Variants in VAV3 observed in about 807,000 individuals in gnomAD.
VAV3 encodes guanine nucleotide exchange factor VAV3.
Under a neutral mutation model 131.2 loss-of-function variants are expected in VAV3, and 94 were observed. The ratio of observed to expected loss-of-function variants is 0.72; its 90% CI spans 0.61 to 0.85. The LOEUF (loss-of-function observed/expected upper bound fraction) is 0.85, where lower values mean the gene tolerates loss of function less well. Ranked by LOEUF, VAV3 falls within the 40% of genes least tolerant of loss-of-function variation. The probability of loss-of-function intolerance (pLI) is 0.00; values close to 1 mark genes in which losing one functional copy is unlikely to be tolerated. For synonymous variants in VAV3, 349 were observed against 342.0 expected (o/e 1.02, Z -0.22); for missense variants, 939 against 1,002.7 (o/e 0.94, Z 0.86).
chr1:107,582,641 C>A lies in VAV3; in HGVS notation c.2351-8443G>T, dbSNP rs547868018. On this transcript the variant is annotated intron_variant, in intron 25 of 26. Coordinates refer to ENST00000370056, the MANE Select transcript of VAV3 (RefSeq NM_006113.5). ...TGTGTTCTCATTGTTCGATTCCCACCTATGAGTGAGAATATGTGGTGTTTG... is the reference window on the plus strand; with the variant it reads ...TGTGTTCTCATTGTTCGATTCCCACATATGAGTGAGAATATGTGGTGTTTG... Among the ~76,000 whole-genome samples, 784 of 149,140 alleles carry A rather than the reference C, an allele frequency of 5.3e-3. 11 individuals carry two copies. The highest frequency in any genetic ancestry group is 7.1e-3 in the Middle Eastern group (2 of 282).
chr1:107,746,011 G>A (rs74111415), intron 15 of VAV3, among the ~76,000 whole-genome samples: 1,772 of 152,258 alleles, frequency 0.012, 36 homozygotes, highest in African/African-American at 0.04. Context: ...GATGCTGCAG[G>A]AGTTATTTTC....
rs554599493 is a variant in VAV3, at chr1:107,589,724, G to T, written c.2350+6488C>A. 1.8e-3 allele frequency among the ~76,000 whole-genome samples: 268 copies of T among 152,142 alleles called. 1 individual carries two copies. Among genetic ancestry groups the T allele is most frequent in the African/African-American group, 6.2e-3 (256 of 41,516 alleles). ...AGGAAAAGATGACAAAAAAACTGAGGATACAATAAAATCAGAAAATAAAGG... is the reference window on the plus strand; with the variant it reads ...AGGAAAAGATGACAAAAAAACTGAGTATACAATAAAATCAGAAAATAAAGG... On this transcript the variant is annotated intron_variant, in intron 25 of 26. Transcript: ENST00000370056.
At chr1:107,835,726 C>T (rs1022719828) in intron 2 of VAV3, among the ~76,000 whole-genome samples, 1 of 152,176 alleles carries the variant, frequency 6.6e-6, no homozygotes, top group Non-Finnish European at 1.5e-5. Flanking sequence ...CAAAAAACCC[C>T]GGCCCATAGG....
chr1:107,761,475 T>A (rs1240036183), intron 9 of VAV3, among the ~76,000 whole-genome samples: 1 of 152,080 alleles, frequency 6.6e-6, no homozygotes, highest in Non-Finnish European at 1.5e-5. Context: ...CTTCTTCAGT[T>A]TATCTTTATC....
intron 15 of VAV3, among the ~76,000 whole-genome samples, chr1:107,720,069 G>C (rs1661387149): frequency 6.6e-6 from 1 of 152,072 alleles, no homozygotes; most frequent in Non-Finnish European, 1.5e-5. Context: ...TGGGGTCGGG[G>C]GAATGGGGCA....
chr1:107,779,370 C>T (rs1665553594), intron 3 of VAV3, 64 bp downstream of exon 3: 1 of 1,419,426 alleles, frequency 7.0e-7, no homozygotes, highest in Non-Finnish European at 9.5e-7. Context: ...AAATAGTAAC[C>T]ATTTAATAAA....
chr1:107,757,415 A>G, intron 10 of VAV3, 86 bp from the exon 11 acceptor site: 1 of 1,140,378 alleles, frequency 8.8e-7, no homozygotes. Flanking sequence ...ATAAACCATT[A>G]TTATTGGTTT....
At chr1:107,815,042 G>GT (rs1667506534) in intron 2 of VAV3, among the ~76,000 whole-genome samples, 1 of 152,114 alleles carries the variant, frequency 6.6e-6, no homozygotes, top group South Asian at 2.1e-4. Flanking sequence ...TTCCATATCA[G>GT]TTTTCTTATT....
intron 15 of VAV3, among the ~76,000 whole-genome samples, chr1:107,707,771 T>C (rs775386881): frequency 1.2e-4 from 19 of 152,138 alleles, no homozygotes; most frequent in Non-Finnish European, 2.6e-4. Context: ...ACTGAGGAGA[T>C]CATACATGGT....
intron 1 of VAV3, among the ~76,000 whole-genome samples, chr1:107,881,365 C>T (rs867211396): frequency 2.2e-4 from 33 of 152,304 alleles, no homozygotes; most frequent in African/African-American, 7.7e-4. Flanking sequence ...AACTGTACCT[C>T]TCTCTGCCTT....
At chr1:107,664,276 G>A (rs1448375539) in intron 19 of VAV3, among the ~76,000 whole-genome samples, 3 of 151,950 alleles carry the variant, frequency 2.0e-5, no homozygotes, top group African/African-American at 7.3e-5. Context: ...GTGGTTTGCT[G>A]CACAGATCAA....
chr1:107,677,856 A>T (rs1326989975), intron 19 of VAV3: 1 of 152,206 alleles, frequency 6.6e-6, no homozygotes, highest in African/African-American at 2.4e-5. Context: ...CCAGTATAAA[A>T]GACAGGCTTG....
chr1:107,960,945 G>A (rs1251162946), intron 1 of VAV3, among the ~76,000 whole-genome samples: 5 of 151,074 alleles, frequency 3.3e-5, no homozygotes, highest in African/African-American at 1.2e-4. Context: ...TAAATTGTAT[G>A]TAAAAATATA....
chr1:107,646,935 C>G (rs1655781382), intron 19 of VAV3, among the ~76,000 whole-genome samples: 1 of 151,760 alleles, frequency 6.6e-6, no homozygotes, highest in Non-Finnish European at 1.5e-5. Flanking sequence ...TTTAGTACCG[C>G]TAAGAGTGAC....
chr1:107,639,495 C>T (rs1333550452), intron 20 of VAV3, among the ~76,000 whole-genome samples: 1 of 152,020 alleles, frequency 6.6e-6, no homozygotes, highest in Non-Finnish European at 1.5e-5. Flanking sequence ...ATGCATGGCT[C>T]ATTAAAAAGC....
chr1:107,848,695 T>C (rs147088644), intron 2 of VAV3, among the ~76,000 whole-genome samples: 247 of 152,228 alleles, frequency 1.6e-3, no homozygotes, highest in African/African-American at 5.6e-3. Context: ...ACCACTCCTA[T>C]TCAAAGCAAT....
chr1:107,702,013 C>A (rs1230672222), intron 17 of VAV3, among the ~76,000 whole-genome samples: 2 of 152,210 alleles, frequency 1.3e-5, no homozygotes, highest in Non-Finnish European at 2.9e-5. Flanking sequence ...TTTCAAGTAT[C>A]TTTATAGCAG....
At chr1:107,768,549 T>A in intron 6 of VAV3, 40 bp from the exon 7 acceptor site, 1 of 1,517,148 alleles carries the variant, frequency 6.6e-7, no homozygotes, top group Non-Finnish European at 9.1e-7. Context: ...TAAGTATAAC[T>A]TGTCCTAATC....
chr1:107,662,101 G>A (rs1360740296), intron 19 of VAV3, among the ~76,000 whole-genome samples: 1 of 152,088 alleles, frequency 6.6e-6, no homozygotes. Context: ...TTGAAAACTA[G>A]AGCACTGTAT....
Sources: gnomAD v4.1 joint callset for allele counts (sites outside exome capture counted in the v4.1 genomes callset) on GRCh38, gnomAD v4.1.1 for gene constraint, MANE v1.5 for transcripts, NCBI Gene and HGNC (gene_info 2026-07-23, HGNC 2026-07-21) for gene names.